Variants in ADK observed in about 807,000 individuals in gnomAD.
ADK encodes the protein adenosine kinase, also known as N6,N6-dimethyladenosine kinase.
In ADK, 24 loss-of-function variants were observed where a neutral mutation model predicts 44.7. The observed-to-expected ratio is 0.54, with a 90% confidence interval of 0.39 to 0.76. The LOEUF (loss-of-function observed/expected upper bound fraction) is 0.76, where lower values mean the gene tolerates loss of function less well. Among genes scored for constraint, ADK ranks in the 30% least tolerant of loss-of-function variants. The pLI is 0.00. For synonymous variants in ADK, 128 were observed against 142.6 expected (o/e 0.90, Z 0.73); for missense variants, 321 against 425.1 (o/e 0.76, Z 2.15).
At chr10:74,572,584 A>T (rs1211030784) in intron 7 of ADK, among the ~76,000 whole-genome samples, 1 of 152,224 alleles carries the variant, frequency 6.6e-6, no homozygotes, top group Non-Finnish European at 1.5e-5. Context: ...CCTGGATAAT[A>T]TCCTGCAGAG....
chr10:74,391,963 TG>T (rs1843351498), intron 4 of ADK, among the ~76,000 whole-genome samples: 1 of 152,164 alleles, frequency 6.6e-6, no homozygotes, highest in Admixed American at 6.5e-5. Flanking sequence ...GTGTCTTTTT[TG>T]TGACAGACCT....
At chr10:74,565,199 G>A (rs936117260) in intron 7 of ADK, among the ~76,000 whole-genome samples, 2 of 152,174 alleles carry the variant, frequency 1.3e-5, no homozygotes, top group African/African-American at 4.8e-5. Context: ...TCAGAGAGGA[G>A]GAGTTGGAGC....
At chr10:74,394,959 T>G (rs1373677263) in intron 5 of ADK, among the ~76,000 whole-genome samples, 1 of 152,206 alleles carries the variant, frequency 6.6e-6, no homozygotes, top group Non-Finnish European at 1.5e-5. Context: ...CATATATTGG[T>G]TGGTTGTTCT....
At chr10:74,437,268 A>G (rs1265361275) in intron 6 of ADK, among the ~76,000 whole-genome samples, 1 of 152,164 alleles carries the variant, frequency 6.6e-6, no homozygotes, top group Non-Finnish European at 1.5e-5. Flanking sequence ...ATTTATTGTC[A>G]TAGGTTTCTT....
At chr10:74,439,010 C>G (rs1246321599) in intron 6 of ADK, among the ~76,000 whole-genome samples, 2 of 152,206 alleles carry the variant, frequency 1.3e-5, no homozygotes, top group South Asian at 2.1e-4. Flanking sequence ...AGTTTGTAGT[C>G]AGCGTTTTTC....
chr10:74,215,220 A>C (rs1009758735), intron 2 of ADK, among the ~76,000 whole-genome samples: 3 of 152,214 alleles, frequency 2.0e-5, no homozygotes, highest in Admixed American at 2.0e-4. Context: ...ATTGATTATA[A>C]AAGAATACCT....
intron 6 of ADK, among the ~76,000 whole-genome samples, chr10:74,489,668 G>A (rs1234922269): frequency 3.3e-5 from 5 of 151,286 alleles, no homozygotes; most frequent in Admixed American, 2.0e-4. Context: ...ATACAAAGCA[G>A]GATGTCATAA....
At chr10:74,670,372 C>T (rs548589936) in intron 10 of ADK, 103 bp downstream of exon 10, 4 of 865,570 alleles carry the variant, frequency 4.6e-6, no homozygotes, top group Non-Finnish European at 7.5e-6. Flanking sequence ...CTAATTTCTT[C>T]TTTTAAATAA....
chr10:74,249,213 T>C (rs1845549868), intron 3 of ADK, among the ~76,000 whole-genome samples: 1 of 152,192 alleles, frequency 6.6e-6, no homozygotes, highest in South Asian at 2.1e-4. Context: ...AGGAAGGCTC[T>C]AGCTTTTCTT....
chr10:74,337,952 T>A (rs575360734), intron 4 of ADK, among the ~76,000 whole-genome samples: 2 of 152,134 alleles, frequency 1.3e-5, no homozygotes, highest in Non-Finnish European at 2.9e-5. Context: ...GAATCTTAAA[T>A]GAGCTGTGAT....
At chr10:74,211,341 A>G (rs1843805296) in intron 2 of ADK, among the ~76,000 whole-genome samples, 1 of 152,168 alleles carries the variant, frequency 6.6e-6, no homozygotes, top group Admixed American at 6.5e-5. Context: ...CTTTACCAAC[A>G]AATTTTCTTA....
chr10:74,177,939 A>T (rs1218578560), intron 1 of ADK, among the ~76,000 whole-genome samples: 1 of 93,478 alleles, frequency 1.1e-5, no homozygotes, highest in African/African-American at 4.4e-5. Context: ...ATATATATAT[A>T]TATATATTTT....
At chr10:74,320,791 T>G (rs1286423797) in intron 4 of ADK, among the ~76,000 whole-genome samples, 1 of 152,220 alleles carries the variant, frequency 6.6e-6, no homozygotes, top group Non-Finnish European at 1.5e-5. Flanking sequence ...TTTTTACTTC[T>G]CTAAATGTTA....
chr10:74,423,618 A>G (rs1844656131), intron 6 of ADK: 3 of 348,048 alleles, frequency 8.6e-6, no homozygotes, highest in East Asian at 8.5e-5. Context: ...CGTCGTCTGC[A>G]TAGTCCTGTG....
intron 7 of ADK, among the ~76,000 whole-genome samples, chr10:74,530,808 C>T (rs1849256284): frequency 6.6e-6 from 1 of 152,036 alleles, no homozygotes; most frequent in African/African-American, 2.4e-5. Flanking sequence ...GCCTGTAATC[C>T]CAGCTACTCG....
chr10:74,460,907 G>A (rs1846154287), intron 6 of ADK, among the ~76,000 whole-genome samples: 1 of 152,132 alleles, frequency 6.6e-6, no homozygotes, highest in African/African-American at 2.4e-5. Context: ...GAATGTCTCT[G>A]TCAGAAATTA....
In ADK at chr10:74,670,185, A is replaced by C; in HGVS notation, c.880A>C (p.Ser294Arg). 1 of 1,613,702 alleles carries C rather than the reference A, an allele frequency of 6.2e-7. No homozygotes were observed. The highest frequency in any genetic ancestry group is 8.5e-7 in the Non-Finnish European group (1 of 1,179,704). The change falls in exon 10 of 11, where the codon AGT becomes CGT. Residue 294 changes from serine (S) to arginine (R), a missense_variant and splice_region_variant. Physicochemically the swap from Ser to Arg is moderately radical, Grantham distance 110 (BLOSUM62 -1). Coordinates refer to ENST00000539909, the MANE Select transcript of ADK (RefSeq NM_006721.4). Reference protein sequence around the residue: ...GRDDTIMATESEVTAFAVLDQ... With the variant: ...GRDDTIMATEREVTAFAVLDQ... The stretch of plus-strand genomic sequence containing the variant: ...CCTTTCTTTGGCTCTAATTGCAGAA[A>C]GTGAAGTCACTGCTTTTGCTGTCTT...
chr10:74,268,970 A>G (rs1343569911), intron 3 of ADK, among the ~76,000 whole-genome samples: 2 of 152,226 alleles, frequency 1.3e-5, no homozygotes, highest in African/African-American at 4.8e-5. Context: ...TTTGAAGAAT[A>G]AAAGGAAGTT....
intron 3 of ADK, among the ~76,000 whole-genome samples, chr10:74,261,937 C>A (rs1311984520): frequency 6.6e-6 from 1 of 151,512 alleles, no homozygotes; most frequent in Non-Finnish European, 1.5e-5. Flanking sequence ...GAAATTTCTT[C>A]TCTACTATTT....
Sources: gnomAD v4.1 joint callset for allele counts (sites outside exome capture counted in the v4.1 genomes callset) on GRCh38, gnomAD v4.1.1 for gene constraint, MANE v1.5 for transcripts, NCBI Gene and HGNC (gene_info 2026-07-23, HGNC 2026-07-21) for gene names.